The following CTNNA2 variants were observed in gnomAD, a reference collection of about 807,000 sequenced individuals.
CTNNA2 encodes the protein catenin alpha-2.
In CTNNA2, 42 loss-of-function variants were observed where a neutral mutation model predicts 101.0. The observed-to-expected ratio is 0.42, with a 90% CI of 0.32 to 0.54. The LOEUF is 0.54. Ranked by LOEUF, CTNNA2 falls within the 20% of genes least tolerant of loss-of-function variation. The pLI is 0.14. For missense variants in CTNNA2, 871 were observed against 1,223.1 expected (o/e 0.71, Z 4.29); for synonymous variants, 450 against 456.4 (o/e 0.99, Z 0.18).
At chr2:80,438,460 A>G (rs1375185388) in intron 9 of CTNNA2, among the ~76,000 whole-genome samples, 1 of 151,480 alleles carries the variant, frequency 6.6e-6, no homozygotes, top group Non-Finnish European at 1.5e-5. Flanking sequence ...GAGAGAAGGG[A>G]AGCAGAAATA....
intron 3 of CTNNA2, among the ~76,000 whole-genome samples, chr2:79,817,346 A>G (rs1677600953): frequency 4.8e-5 from 2 of 41,610 alleles, no homozygotes; most frequent in Admixed American, 3.3e-4. Context: ...TTTTTTTGCC[A>G]TTTTCTGAGT....
At chr2:80,415,129 A>C (rs1275585213) in intron 8 of CTNNA2, among the ~76,000 whole-genome samples, 1 of 152,212 alleles carries the variant, frequency 6.6e-6, no homozygotes. Context: ...GCAGAATTAC[A>C]TTTCTTAATA....
At chr2:79,814,351 T>C (rs1430103540) in intron 3 of CTNNA2, among the ~76,000 whole-genome samples, 1 of 152,136 alleles carries the variant, frequency 6.6e-6, no homozygotes, top group African/African-American at 2.4e-5. Flanking sequence ...ACCCAAGCAA[T>C]ATACACTGCA....
chr2:80,452,365 A>G (rs1170353694), intron 9 of CTNNA2, among the ~76,000 whole-genome samples: 3 of 151,674 alleles, frequency 2.0e-5, no homozygotes, highest in African/African-American at 7.3e-5. Flanking sequence ...TGGATGAGTA[A>G]CACAGATGTG....
At chr2:79,647,395 C>G (rs982013345) in intron 1 of CTNNA2, among the ~76,000 whole-genome samples, 6 of 152,148 alleles carry the variant, frequency 3.9e-5, no homozygotes, top group African/African-American at 1.4e-4. Context: ...ATTTAATCCT[C>G]ACAATAAGCC....
intron 7 of CTNNA2, among the ~76,000 whole-genome samples, chr2:80,135,097 G>C (rs1420698883): frequency 2.0e-5 from 3 of 152,156 alleles, no homozygotes; most frequent in African/African-American, 7.2e-5. Context: ...ATAATGCTCT[G>C]CATTAAAGAG....
chr2:79,403,201 A>G (rs2104482769), intron 4 of CTNNA2, among the ~76,000 whole-genome samples: 1 of 151,998 alleles, frequency 6.6e-6, no homozygotes, highest in African/African-American at 2.4e-5. Flanking sequence ...CTAACAAACT[A>G]GACAATAAAA....
intron 7 of CTNNA2, among the ~76,000 whole-genome samples, chr2:80,254,334 C>G (rs1008831265): frequency 6.6e-6 from 1 of 152,020 alleles, no homozygotes; most frequent in Admixed American, 6.6e-5. Flanking sequence ...AAAAAGCTTG[C>G]TGAAATTTGC....
chr2:79,708,198 C>T (rs1046626138), intron 2 of CTNNA2, among the ~76,000 whole-genome samples: 3 of 152,176 alleles, frequency 2.0e-5, no homozygotes, highest in African/African-American at 7.2e-5. Flanking sequence ...ATGCTTATTT[C>T]AGTGTTTCAC....
intron 7 of CTNNA2, among the ~76,000 whole-genome samples, chr2:79,936,506 G>A (rs146886721): frequency 0.018 from 2,642 of 150,916 alleles, 28 homozygotes; most frequent in Non-Finnish European, 0.029. Context: ...CCCTTCGAGT[G>A]CCACCATCTA....
chr2:79,415,747 GT>G (rs557487450), intron 4 of CTNNA2, among the ~76,000 whole-genome samples: 131 of 151,994 alleles, frequency 8.6e-4, no homozygotes, highest in African/African-American at 2.9e-3. Context: ...TGTGCTTAAA[GT>G]TTTTTTTCAT....
At chr2:79,389,747 T>C (rs1678151739) in intron 4 of CTNNA2, among the ~76,000 whole-genome samples, 1 of 152,208 alleles carries the variant, frequency 6.6e-6, no homozygotes, top group South Asian at 2.1e-4. Context: ...TTAAAAGGTT[T>C]CTAACATTAC....
chr2:79,487,132 T>C (rs1325945279), intron 4 of CTNNA2, among the ~76,000 whole-genome samples: 1 of 152,230 alleles, frequency 6.6e-6, no homozygotes, highest in Non-Finnish European at 1.5e-5. Context: ...TGTAACCATC[T>C]TAACTTTGGA....
At chr2:79,797,713 G>C (rs984320685) in intron 3 of CTNNA2, among the ~76,000 whole-genome samples, 6 of 150,310 alleles carry the variant, frequency 4.0e-5, no homozygotes, top group Non-Finnish European at 8.9e-5. Context: ...CCCCTGTTGT[G>C]TTTGTACATT....
At chr2:79,465,080 T>C (rs1302305930) in intron 4 of CTNNA2, among the ~76,000 whole-genome samples, 1 of 152,298 alleles carries the variant, frequency 6.6e-6, no homozygotes, top group African/African-American at 2.4e-5. Flanking sequence ...CTGAATGGTA[T>C]TGCCTAGGTT....
chr2:79,388,754 G>A (rs75732834), intron 4 of CTNNA2, among the ~76,000 whole-genome samples: 12,109 of 151,626 alleles, frequency 0.08, 1,568 homozygotes, highest in African/African-American at 0.28. Flanking sequence ...CCTAATACAC[G>A]GTCACCATCC....
At chr2:79,810,905 A>G (rs953701747) in intron 3 of CTNNA2, among the ~76,000 whole-genome samples, 50 of 151,420 alleles carry the variant, frequency 3.3e-4, no homozygotes, top group African/African-American at 1.2e-3. Flanking sequence ...TATATGCCAC[A>G]TTTTCTTAAT....
intron 6 of CTNNA2, among the ~76,000 whole-genome samples, chr2:79,888,314 C>T (rs933415013): frequency 2.7e-4 from 41 of 152,156 alleles, no homozygotes; most frequent in Non-Finnish European, 4.4e-5. Context: ...CTGAGCTATA[C>T]CGCTTCACTT....
At chr2:79,836,919 A>G (rs1453781260) in intron 3 of CTNNA2, among the ~76,000 whole-genome samples, 2 of 152,134 alleles carry the variant, frequency 1.3e-5, no homozygotes, top group Non-Finnish European at 2.9e-5. Context: ...TAAGGACACC[A>G]GTCATATTGG....
Sources: gnomAD v4.1 joint callset for allele counts (sites outside exome capture counted in the v4.1 genomes callset) on GRCh38, gnomAD v4.1.1 for gene constraint, MANE v1.5 for transcripts, NCBI Gene and HGNC (gene_info 2026-07-23, HGNC 2026-07-21) for gene names.